Variants in PLSCR1 observed in about 807,000 individuals in gnomAD.
PLSCR1 encodes phospholipid scramblase 1.
A neutral mutation model predicts 37.8 loss-of-function variants in PLSCR1; 17 were observed. The observed-to-expected ratio is 0.45, with a 90% CI of 0.31 to 0.68. PLSCR1 has a LOEUF of 0.68. Among genes scored for constraint, PLSCR1 ranks in the 30% least tolerant of loss-of-function variants. The pLI, the probability that PLSCR1 is intolerant of heterozygous loss-of-function variation, is 0.06. For synonymous variants in PLSCR1, 116 were observed against 125.9 expected (o/e 0.92, Z 0.53); for missense variants, 347 against 380.9 (o/e 0.91, Z 0.74).
chr3:146,533,623 CT>C, intron 2 of PLSCR1, 73 bp from the exon 3 acceptor site: 1 of 883,656 alleles, frequency 1.1e-6, no homozygotes, highest in Non-Finnish European at 1.8e-6. Context: ...ATGTATTGTA[CT>C]TAGATAATTG....
Position 146,528,650 on chromosome 3 carries a change from T to C in PLSCR1, c.276A>G (p.Pro92=), listed in dbSNP as rs779111007. ...ATTCTAATCCAGGTGGACAGTTTAA[T>C]GGAGGCTGTGGCGCTGGCATCCATG... ...GVPWMPAPQP[P]LNCPPGLEYL... Residue 92 remains proline, a synonymous_variant, in exon 4 of 9, where the codon CCA becomes CCG. Coordinates refer to ENST00000342435, the MANE Select transcript of PLSCR1 (RefSeq NM_021105.3). 2.5e-6 allele frequency: 4 copies of C among 1,614,036 alleles called. No homozygotes were observed. Among genetic ancestry groups the C allele is most frequent in the Admixed American group, 1.7e-5 (1 of 60,002 alleles).
At chr3:146,520,355 TC>T (rs2044002087) in intron 7 of PLSCR1, among the ~76,000 whole-genome samples, 1 of 152,300 alleles carries the variant, frequency 6.6e-6, no homozygotes, top group Middle Eastern at 3.4e-3. Flanking sequence ...CAGCCAAACT[TC>T]TGTTAATATT....
At chr3:146,528,547 T>C in intron 4 of PLSCR1, 67 bp downstream of exon 4, 1 of 1,248,072 alleles carries the variant, frequency 8.0e-7, no homozygotes, top group Non-Finnish European at 1.2e-6. Flanking sequence ...ATTCATTTGC[T>C]AATCTGGTTA....
chr3:146,521,685 A>G lies in PLSCR1; in HGVS notation c.597T>C (p.Pro199=). 1 of 1,613,288 alleles carries G rather than the reference A, an allele frequency of 6.2e-7. No individual in the cohort carries two copies. Among genetic ancestry groups the G allele is most frequent in the South Asian group, 1.1e-5 (1 of 91,050 alleles). The change falls in exon 7 of 9, where the codon CCT becomes CCC. Residue 199 remains proline (P), a synonymous_variant. Transcript: ENST00000342435. ...GAATAACATAACCTATTGGTACACC[A>G]GGAGGAGCTTGGATTTCTATCTACA... is the stretch of plus-strand genomic sequence containing the variant. ...CLQEIEIQAP[P]GVPIGYVIQT... is the part of the protein sequence containing the mutation.
chr3:146,517,215 A>G, intron 7 of PLSCR1, 48 bp from the exon 8 acceptor site: 1 of 1,092,692 alleles, frequency 9.2e-7, no homozygotes, highest in Non-Finnish European at 1.3e-6. Context: ...AACTTATAGC[A>G]AAAGTACTTT....
chr3:146,531,269 C>T (rs1404827459), intron 3 of PLSCR1, among the ~76,000 whole-genome samples: 1 of 152,148 alleles, frequency 6.6e-6, no homozygotes, highest in African/African-American at 2.4e-5. Context: ...AATAGCCAGT[C>T]TAGCTGAATA....
At chr3:146,526,867 C>T (rs116510399) in intron 4 of PLSCR1, among the ~76,000 whole-genome samples, 2,634 of 152,196 alleles carry the variant, frequency 0.017, 86 homozygotes, top group African/African-American at 0.058. Context: ...AGAGGCCAGG[C>T]GCAGTGGTTC....
chr3:146,519,484 T>C (rs976818662), intron 7 of PLSCR1, among the ~76,000 whole-genome samples: 2 of 152,104 alleles, frequency 1.3e-5, no homozygotes, highest in Non-Finnish European at 2.9e-5. Context: ...CCAAGAGTCC[T>C]TGAAGGAGAC....
chr3:146,521,612 T>C lies in PLSCR1; in HGVS notation c.670A>G (p.Arg224Gly), dbSNP rs1174022131. 2 of 1,613,990 alleles carry C rather than the reference T, an allele frequency of 1.2e-6. No individual in the cohort carries two copies. The highest frequency in any genetic ancestry group is 1.3e-5 in the African/African-American group (1 of 75,044). ...LPKFTIQNEK[R>G]EDVLKISGPC... is the part of the protein sequence containing the mutation. ...CCACTTATTTTTAGTACATCCTCTC[T>C]TTTCTCATTTTGAATTGTAAACTTT... The change falls in exon 7 of 9, where the codon AGA becomes GGA. Residue 224 changes from arginine (R) to glycine (G), a missense_variant. Coordinates refer to ENST00000342435, the MANE Select transcript of PLSCR1 (RefSeq NM_021105.3).
At chr3:146,539,097 T>C (rs2044304078) in intron 1 of PLSCR1, among the ~76,000 whole-genome samples, 1 of 152,368 alleles carries the variant, frequency 6.6e-6, no homozygotes, top group African/African-American at 2.4e-5. Flanking sequence ...AAAAGGATTA[T>C]ACAATTCATT....
At chr3:146,520,181 C>A (rs1417513767) in intron 7 of PLSCR1, 1 of 151,840 alleles carries the variant, frequency 6.6e-6, no homozygotes, top group Non-Finnish European at 1.5e-5. Flanking sequence ...TATCATCATT[C>A]TAGATAAATA....
At chr3:146,528,557 A>T in intron 4 of PLSCR1, 57 bp downstream of exon 4, 1 of 1,372,898 alleles carries the variant, frequency 7.3e-7, no homozygotes, top group Non-Finnish European at 1.0e-6. Flanking sequence ...TAATCTGGTT[A>T]AGCAAGCTGG....
At chr3:146,525,921 T>C (rs1219199654) in intron 4 of PLSCR1, among the ~76,000 whole-genome samples, 2 of 151,798 alleles carry the variant, frequency 1.3e-5, no homozygotes, top group Non-Finnish European at 2.9e-5. Context: ...AGGTGGCTCA[T>C]GCCTGTAATC....
chr3:146,542,126 T>C (rs1278398812), intron 1 of PLSCR1, among the ~76,000 whole-genome samples: 2 of 152,228 alleles, frequency 1.3e-5, no homozygotes, highest in Non-Finnish European at 2.9e-5. Flanking sequence ...GTACATGCTA[T>C]ACAGGTTTCT....
In PLSCR1 at chr3:146,522,028, GTTA is replaced by G; in HGVS notation, c.378_380del (p.Asn127del). On this transcript the variant is annotated inframe_deletion, in exon 6 of 9. Coordinates refer to ENST00000342435, the MANE Select transcript of PLSCR1 (RefSeq NM_021105.3). ...CAAAGCTGTTCTTAATTTCATATTT[GTTA>G]TTAGTTTCAAAACCTGTTAAAACTA... 6.2e-7 allele frequency: 1 copy of G among 1,605,052 alleles called. No homozygotes were observed. Among genetic ancestry groups the G allele is most frequent in the Non-Finnish European group, 8.5e-7 (1 of 1,171,816 alleles).
intron 5 of PLSCR1, 111 bp downstream of exon 5, chr3:146,525,494 G>A (rs2044094770): frequency 1.6e-6 from 1 of 642,254 alleles, no homozygotes; most frequent in South Asian, 1.9e-5. Context: ...TAAATAACTG[G>A]TTTAACTGTC....
In PLSCR1 at chr3:146,521,923, C is replaced by T. The variant is rs1412044094; in HGVS notation, c.486G>A (p.Leu162=). The stretch of plus-strand genomic sequence containing the variant: ...CTTGACCCATATTATCAATAATCCT[C>T]AAGGTAAAAGGTCTAGATGGCCCAC... The part of the protein sequence containing the change: ...NCCGPSRPFT[L]RIIDNMGQEV... The change falls in exon 6 of 9, where the codon TTG becomes TTA. Residue 162 remains leucine, a synonymous_variant. Transcript: ENST00000342435. The T allele has an allele frequency of 1.2e-6, 2 of 1,613,614 alleles. No individual in the cohort carries two copies. The highest frequency in any genetic ancestry group is 3.3e-5 in the Admixed American group (2 of 60,006).
Position 146,536,584 on chromosome 3 carries a change from C to T in PLSCR1, c.-13-19G>A, listed in dbSNP as rs974198230. On this transcript the variant is annotated intron_variant, in intron 1 of 8. Coordinates refer to ENST00000342435, the MANE Select transcript of PLSCR1 (RefSeq NM_021105.3). Reference sequence around the variant, plus strand: ...AACAGTTCTGAAAAAGAAGATCTGACATTAACACACTGTCTACAAGGCCAC... The same window carrying T: ...AACAGTTCTGAAAAAGAAGATCTGATATTAACACACTGTCTACAAGGCCAC... 1.4e-6 allele frequency: 2 copies of T among 1,447,826 alleles called. No homozygotes were observed. The highest frequency in any genetic ancestry group is 3.4e-5 in the Admixed American group (2 of 59,234). 89.7% of individuals were successfully genotyped at this position (1,447,826 alleles called of 1,614,324 possible).
chr3:146,536,000 A>T (rs1164161232), intron 2 of PLSCR1, among the ~76,000 whole-genome samples: 1 of 152,148 alleles, frequency 6.6e-6, no homozygotes, highest in African/African-American at 2.4e-5. Context: ...GTTCTTCAGA[A>T]CCTTGATATC....
Sources: gnomAD v4.1 joint callset for allele counts (sites outside exome capture counted in the v4.1 genomes callset) on GRCh38, gnomAD v4.1.1 for gene constraint, MANE v1.5 for transcripts, NCBI Gene and HGNC (gene_info 2026-07-23, HGNC 2026-07-21) for gene names.